The following MB21D2 variants were observed in gnomAD, a reference collection of about 807,000 sequenced individuals.
The protein encoded by MB21D2 is nucleotidyltransferase MB21D2.
A neutral mutation model predicts 33.3 loss-of-function variants in MB21D2; 9 were observed. That is an observed-to-expected ratio of 0.27 (90% CI 0.16 to 0.47). The LOEUF (loss-of-function observed/expected upper bound fraction) is 0.47, where lower values mean the gene tolerates loss of function less well. Ranked by LOEUF, MB21D2 falls within the 20% of genes least tolerant of loss-of-function variation. MB21D2 has a pLI of 0.99. For missense variants in MB21D2, 540 were observed against 624.6 expected (o/e 0.86, Z 1.44); for synonymous variants, 241 against 236.3 (o/e 1.02, Z -0.18).
chr3:192,903,198 T>A (rs1233533372), intron 1 of MB21D2, among the ~76,000 whole-genome samples: 1 of 152,224 alleles, frequency 6.6e-6, no homozygotes, highest in Non-Finnish European at 1.5e-5. Context: ...GCACAAATGC[T>A]ATGAAGCCAA....
chr3:192,909,905 C>G (rs1356203971), intron 1 of MB21D2, among the ~76,000 whole-genome samples: 1 of 136,010 alleles, frequency 7.4e-6, no homozygotes, highest in Non-Finnish European at 1.5e-5. Flanking sequence ...CCACTGCTCT[C>G]CAGCCTGAGT....
intron 1 of MB21D2, among the ~76,000 whole-genome samples, chr3:192,826,325 C>T (rs1295763228): frequency 6.6e-6 from 1 of 152,148 alleles, no homozygotes; most frequent in Admixed American, 6.5e-5. Flanking sequence ...CCACTTAATA[C>T]TGGATGACTA....
At chr3:192,873,233 A>G (rs1713350508) in intron 1 of MB21D2, among the ~76,000 whole-genome samples, 1 of 152,232 alleles carries the variant, frequency 6.6e-6, no homozygotes. Context: ...ATTACATTAG[A>G]GTTAAGTGAC....
At chr3:192,838,241 A>G (rs1005532419) in intron 1 of MB21D2, among the ~76,000 whole-genome samples, 2 of 152,172 alleles carry the variant, frequency 1.3e-5, no homozygotes, top group African/African-American at 2.4e-5. Flanking sequence ...GATAGCAGCT[A>G]ATTTCCCCTA....
At chr3:192,906,442 A>G (rs905013190) in intron 1 of MB21D2, among the ~76,000 whole-genome samples, 1 of 152,158 alleles carries the variant, frequency 6.6e-6, no homozygotes, top group African/African-American at 2.4e-5. Flanking sequence ...AAACTTGCTA[A>G]AATTTCAGCC....
chr3:192,825,703 T>A (rs1712161636), intron 1 of MB21D2, among the ~76,000 whole-genome samples: 1 of 152,218 alleles, frequency 6.6e-6, no homozygotes, highest in Non-Finnish European at 1.5e-5. Context: ...AGTATGTAGA[T>A]GAGGCAAGAT....
chr3:192,890,222 G>A (rs1713821472), intron 1 of MB21D2, among the ~76,000 whole-genome samples: 2 of 152,006 alleles, frequency 1.3e-5, no homozygotes. Context: ...TATAAAACTA[G>A]CTAATGGTAA....
At chr3:192,863,841 A>C (rs560159678) in intron 1 of MB21D2, among the ~76,000 whole-genome samples, 1 of 152,298 alleles carries the variant, frequency 6.6e-6, no homozygotes, top group East Asian at 1.9e-4. Context: ...TGAACCAGGA[A>C]AGGGAGCTTC....
chr3:192,886,662 C>T (rs184160966), intron 1 of MB21D2, among the ~76,000 whole-genome samples: 6 of 152,182 alleles, frequency 3.9e-5, no homozygotes, highest in Non-Finnish European at 8.8e-5. Context: ...GCAATTTATA[C>T]TATTGTTTAA....
At chr3:192,816,195 A>C (rs905975076) in intron 1 of MB21D2, among the ~76,000 whole-genome samples, 2 of 148,680 alleles carry the variant, frequency 1.3e-5, no homozygotes, top group Admixed American at 1.3e-4. Context: ...GTGAAGTGGC[A>C]AAAAGACGAG....
intron 1 of MB21D2, among the ~76,000 whole-genome samples, chr3:192,909,960 AAAAGAAAG>A (rs1307506338): frequency 2.9e-3 from 398 of 138,224 alleles, no homozygotes; most frequent in Non-Finnish European, 5.2e-3. Context: ...AAAAAAAAAA[AAAAGAAAG>A]AGAGAGAGAG....
chr3:192,833,799 T>C (rs6798480), intron 1 of MB21D2, among the ~76,000 whole-genome samples: 83,324 of 151,978 alleles, frequency 0.55, 23,453 homozygotes, highest in East Asian at 0.76. Flanking sequence ...TTTCAATCTC[T>C]ATGATTCTTC....
In MB21D2 at chr3:192,799,474, G is replaced by C. The variant is rs778811053; in HGVS notation, c.388C>G (p.Arg130Gly). 1 of 1,614,156 alleles carries C rather than the reference G, an allele frequency of 6.2e-7. No individual in the cohort carries two copies. The highest frequency in any genetic ancestry group is 8.5e-7 in the Non-Finnish European group (1 of 1,180,028). The change falls in exon 2 of 2, where the codon CGT (arginine) becomes GGT (glycine). Residue 130 changes from arginine (R) to glycine (G), a missense_variant. Transcript: ENST00000392452. This position sits in a 1 kb window ranked among gnomAD's most constrained non-coding sequence, Gnocchi z 4.1. ...ATGTCGAGTGTCACAGGCTGATTAC[G>C]GTCATGCAGCTTGAGGGCTGGCACC... ...LLVPALKLHD[R>G]NQPVTLDMRH...
intron 1 of MB21D2, among the ~76,000 whole-genome samples, chr3:192,823,229 G>A (rs917329131): frequency 5.9e-5 from 9 of 152,112 alleles, no homozygotes; most frequent in African/African-American, 2.2e-4. Flanking sequence ...AATTGTTTAG[G>A]TTTAATTTTA....
chr3:192,900,383 A>T (rs1714070201), intron 1 of MB21D2, among the ~76,000 whole-genome samples: 1 of 151,950 alleles, frequency 6.6e-6, no homozygotes, highest in South Asian at 2.1e-4. Flanking sequence ...TTACACAGGG[A>T]TGGAGAAAAA....
At chr3:192,895,924 G>A (rs1713962554) in intron 1 of MB21D2, among the ~76,000 whole-genome samples, 1 of 152,084 alleles carries the variant, frequency 6.6e-6, no homozygotes. Flanking sequence ...CAAATTCTTT[G>A]CACAAAGAAT....
intron 1 of MB21D2, among the ~76,000 whole-genome samples, chr3:192,827,722 C>CGCTG (rs1553856467): frequency 6.6e-6 from 1 of 151,614 alleles, no homozygotes; most frequent in Non-Finnish European, 1.5e-5. Context: ...GTTCTGTCTA[C>CGCTG]ACTTAGTGTC....
intron 1 of MB21D2, among the ~76,000 whole-genome samples, chr3:192,875,754 C>A (rs893734353): frequency 3.3e-5 from 5 of 152,096 alleles, no homozygotes; most frequent in African/African-American, 1.2e-4. Flanking sequence ...GTTAAGCAAC[C>A]ATTTGCCTAA....
intron 1 of MB21D2, among the ~76,000 whole-genome samples, chr3:192,883,641 G>A (rs751219144): frequency 3.3e-5 from 5 of 152,116 alleles, no homozygotes; most frequent in Admixed American, 6.5e-5. Flanking sequence ...TCCAGTAGTT[G>A]TAGTTGTATC....
Sources: gnomAD v4.1 joint callset for allele counts (sites outside exome capture counted in the v4.1 genomes callset) on GRCh38, gnomAD v4.1.1 for gene constraint, Gnocchi (gnomAD v3.1) non-coding constraint, MANE v1.5 for transcripts, NCBI Gene and HGNC (gene_info 2026-07-23, HGNC 2026-07-21) for gene names.